DLC1: variants seen among roughly 807,000 people sequenced by gnomAD.
DLC1 encodes the protein rho GTPase-activating protein 7.
Under a neutral mutation model 140.3 loss-of-function variants are expected in DLC1, and 54 were observed. That is an observed-to-expected ratio of 0.38 (90% CI 0.31 to 0.48). The LOEUF is 0.48. DLC1 is among the 20% of genes least tolerant of loss of function. The pLI, the probability that DLC1 is intolerant of heterozygous loss-of-function variation, is 0.96. For synonymous variants in DLC1, 986 were observed against 728.1 expected (o/e 1.35, Z -5.70); for missense variants, 2,536 against 1,907.0 (o/e 1.33, Z -6.14).
chr8:13,213,026 A>G (rs1323889777), intron 5 of DLC1, among the ~76,000 whole-genome samples: 1 of 152,214 alleles, frequency 6.6e-6, no homozygotes, highest in East Asian at 1.9e-4. Flanking sequence ...CATTTCAAAA[A>G]GAGATGTTGA....
At chr8:13,393,314 A>G (rs1269122608) in intron 4 of DLC1, among the ~76,000 whole-genome samples, 1 of 152,184 alleles carries the variant, frequency 6.6e-6, no homozygotes, top group East Asian at 1.9e-4. Flanking sequence ...ATGAAATTTA[A>G]TTAGCACGTT....
At chr8:13,604,336 C>G (rs2117510242) in intron 1 of DLC1, among the ~76,000 whole-genome samples, 1 of 152,234 alleles carries the variant, frequency 6.6e-6, no homozygotes, top group East Asian at 1.9e-4. Flanking sequence ...CAATGTCAGA[C>G]AGTGACACTG....
intron 4 of DLC1, among the ~76,000 whole-genome samples, chr8:13,308,285 C>G (rs1832538590): frequency 6.6e-6 from 1 of 152,190 alleles, no homozygotes; most frequent in Admixed American, 6.5e-5. Context: ...GACTTTTAAG[C>G]TACCAAAACT....
chr8:13,370,943 C>T (rs548510180), intron 4 of DLC1, among the ~76,000 whole-genome samples: 2 of 152,186 alleles, frequency 1.3e-5, no homozygotes, highest in Non-Finnish European at 2.9e-5. Context: ...GCCAAGGGAA[C>T]TGCAGTGTTT....
intron 5 of DLC1, among the ~76,000 whole-genome samples, chr8:13,189,862 A>G (rs1242472099): frequency 6.8e-6 from 1 of 146,256 alleles, no homozygotes; most frequent in African/African-American, 2.5e-5. Context: ...AGCTTGGGCA[A>G]CAAGAGCGAA....
At chr8:13,277,589 C>A (rs1323214704) in intron 5 of DLC1, among the ~76,000 whole-genome samples, 2 of 152,206 alleles carry the variant, frequency 1.3e-5, no homozygotes, top group Non-Finnish European at 2.9e-5. Context: ...CCAACTGCTT[C>A]TTTTACAAGA....
intron 5 of DLC1, among the ~76,000 whole-genome samples, chr8:13,182,618 A>C (rs2116983227): frequency 6.6e-6 from 1 of 152,288 alleles, no homozygotes; most frequent in East Asian, 1.9e-4. Flanking sequence ...TTTGTCAAAG[A>C]TCAGATGGTT....
At chr8:13,401,404 G>T in intron 3 of DLC1, 66 bp downstream of exon 3, 1 of 1,565,474 alleles carries the variant, frequency 6.4e-7, no homozygotes, top group East Asian at 2.3e-5. Context: ...GCCTTTGCAA[G>T]AGGGACTGTA....
At chr8:13,134,935 T>C (rs1421371239) in intron 5 of DLC1, among the ~76,000 whole-genome samples, 1 of 151,996 alleles carries the variant, frequency 6.6e-6, no homozygotes, top group African/African-American at 2.4e-5. Flanking sequence ...CTGCTGAGGG[T>C]GCAAAGGCTA....
chr8:13,604,551 G>T (rs1453399230), exon 1 of DLC1: 2 of 152,188 alleles, frequency 1.3e-5, no homozygotes, highest in Non-Finnish European at 2.9e-5. Flanking sequence ...TTAATCACAT[G>T]TGTTATTCCA....
At chr8:13,519,293 AT>A (rs566598879), upstream of DLC1, among the ~76,000 whole-genome samples, 51 of 151,634 alleles carry the variant, frequency 3.4e-4, no homozygotes, top group Non-Finnish European at 6.2e-4. Flanking sequence ...ATGCCCAGCT[AT>A]TTTTTTTGTA....
intron 5 of DLC1, among the ~76,000 whole-genome samples, chr8:13,290,404 T>C (rs1419332425): frequency 6.6e-6 from 1 of 152,220 alleles, no homozygotes; most frequent in Non-Finnish European, 1.5e-5. Flanking sequence ...TGAACAAGTA[T>C]TCTAGAAAAT....
At chr8:13,596,155 A>C (rs188141680) in intron 1 of DLC1, among the ~76,000 whole-genome samples, 7 of 152,176 alleles carry the variant, frequency 4.6e-5, no homozygotes, top group African/African-American at 1.4e-4. Context: ...ATTAATCTCA[A>C]TGGTATCACA....
At chr8:13,091,552 GTTAAGTGGAT>G in intron 13 of DLC1, 120 bp from the exon 14 acceptor site, 1 of 783,436 alleles carries the variant, frequency 1.3e-6, no homozygotes, top group Middle Eastern at 3.6e-4. Flanking sequence ...TCTGTTTATT[GTTAAGTGGAT>G]TAAGAGTGTT....
At chr8:13,486,171 T>G (rs1800958640) in intron 2 of DLC1, among the ~76,000 whole-genome samples, 2 of 152,160 alleles carry the variant, frequency 1.3e-5, no homozygotes, top group Admixed American at 1.3e-4. Flanking sequence ...AATAACCGAA[T>G]GAAATGAAAA....
At chr8:13,465,343 G>A (rs915819659) in intron 2 of DLC1, among the ~76,000 whole-genome samples, 2 of 151,994 alleles carry the variant, frequency 1.3e-5, no homozygotes, top group Non-Finnish European at 2.9e-5. Flanking sequence ...TAATATTATT[G>A]TATCAGTTAT....
Position 13,496,785 on chromosome 8 carries a change from C to CTTTTTTTTTTTTTTTTTT in DLC1, c.1023+2263_1023+2264insAAAAAAAAAAAAAAAAAA, listed in dbSNP as rs1491502803. Among the ~76,000 whole-genome samples, 81 of 8,644 alleles carry CTTTTTTTTTTTTTTTTTT rather than the reference C, an allele frequency of 9.4e-3. 29 individuals carry two copies. Among genetic ancestry groups the CTTTTTTTTTTTTTTTTTT allele is most frequent in the East Asian group, 0.015 (20 of 1,346 alleles). 5.7% of individuals were successfully genotyped at this position (8,644 alleles called of 152,430 possible). A position where few individuals can be genotyped will look rare whatever the true frequency, so the allele number is the denominator to read the frequency against. On this transcript the variant is annotated intron_variant, in intron 2 of 17. Transcript: ENST00000276297. The stretch of plus-strand genomic sequence containing the variant: ...TAATTAACAAATTCTTAGACCATTT[C>CTTTTTTTTTTTTTTTTTT]CTTTTTTTTTTTTTTTTTTTTTTTT...
intron 5 of DLC1, among the ~76,000 whole-genome samples, chr8:13,147,107 CAA>C (rs1823489384): frequency 6.6e-6 from 1 of 152,040 alleles, no homozygotes; most frequent in Admixed American, 6.5e-5. Flanking sequence ...TCATCAGTAA[CAA>C]AAAAATATTC....
At chr8:13,200,489 A>G (rs1827319152) in intron 5 of DLC1, among the ~76,000 whole-genome samples, 1 of 152,174 alleles carries the variant, frequency 6.6e-6, no homozygotes, top group Admixed American at 6.6e-5. Flanking sequence ...TGGTTTAGGA[A>G]CCCACATTCT....
Sources: allele counts gnomAD v4.1 joint callset (sites outside exome capture counted in the v4.1 genomes callset), GRCh38; gene constraint gnomAD v4.1.1; transcripts MANE v1.5; gene names NCBI Gene and HGNC (gene_info 2026-07-23, HGNC 2026-07-21).